ZBED3: variants seen among roughly 807,000 people sequenced by gnomAD.
ZBED3 encodes zinc finger BED-type containing 3.
For missense variants in ZBED3, 388 were observed against 362.9 expected, an observed-to-expected ratio of 1.07 and a Z score of -0.56; for synonymous variants, 175 against 180.0, an observed-to-expected ratio of 0.97 and a Z score of 0.22.
chr5:77,085,199 T>C (rs1266799123), intron 1 of ZBED3, among the ~76,000 whole-genome samples: 4 of 152,220 alleles, frequency 2.6e-5, no homozygotes. Context: ...CCCAGATTCC[T>C]CAGTATGATG....
In ZBED3 at chr5:77,075,958, T is replaced by C. The variant is rs1442485368; in HGVS notation, c.*1216A>G. 1.1e-3 allele frequency: 42 copies of C among 36,724 alleles called. 7 individuals are homozygous for C. The highest frequency in any genetic ancestry group is 1.3e-3 in the African/African-American group (13 of 9,660). The allele number at this position is 36,724 out of a possible 1,614,324, so 2.3% of individuals were successfully genotyped here. A position where few individuals can be genotyped will look rare whatever the true frequency, so the allele number is the denominator to read the frequency against. On this transcript the variant is annotated 3_prime_UTR_variant, in exon 3 of 3. Transcript: ENST00000255198. ...TATTATATATACATATATATATATA[T>C]ATATATATGTATATGTATATATGTA...
Position 77,077,185 on chromosome 5 carries a change from C to A in ZBED3, c.694G>T (p.Val232Phe). Residue 232 changes from valine (V) to phenylalanine (F), a missense_variant, in exon 3 of 3, where the codon GTC becomes TTC. Physicochemically the swap from Val to Phe is conservative, Grantham distance 50. Coordinates refer to ENST00000255198, the MANE Select transcript of ZBED3 (RefSeq NM_032367.4). Reference protein sequence around the residue: ...GDRDGCVITKVLL With the variant: ...GDRDGCVITKFLL Reference sequence around the variant, plus strand: ...AAGTGGCCACACCCCTACAGGAGGACCTTTGTGATGACGCAGCCGTCCCTG... The same window carrying A: ...AAGTGGCCACACCCCTACAGGAGGAACTTTGTGATGACGCAGCCGTCCCTG... The A allele has an allele frequency of 6.7e-7, 1 of 1,491,186 alleles. No individual in the cohort carries two copies. The highest frequency in any genetic ancestry group is 8.9e-7 in the Non-Finnish European group (1 of 1,125,664). The allele number at this position is 1,491,186 out of a possible 1,614,324, so 92.4% of individuals were successfully genotyped here.
chr5:77,084,015 A>C (rs1743182354), intron 1 of ZBED3, among the ~76,000 whole-genome samples: 1 of 152,198 alleles, frequency 6.6e-6, no homozygotes, highest in African/African-American at 2.4e-5. Context: ...AAAAATTTTT[A>C]AACTAACACA....
rs1176442160 is a variant in ZBED3 at position 77,077,348 on chromosome 5, G to C, written c.531C>G (p.Ala177=). 9 of 1,254,254 alleles carry C rather than the reference G, an allele frequency of 7.2e-6. No homozygotes were observed. Among genetic ancestry groups the C allele is most frequent in the Admixed American group, 8.6e-5 (2 of 23,348 alleles). The allele number at this position is 1,254,254 out of a possible 1,614,324, so 77.7% of individuals were successfully genotyped here. The change falls in exon 3 of 3, where the codon GCC becomes GCG. Residue 177 remains alanine (A), a synonymous_variant. Coordinates refer to ENST00000255198, the MANE Select transcript of ZBED3 (RefSeq NM_032367.4). ...GCAGTTCCCGGCGCGCCTGGGCCGCGGCGCGCTCTTCCTCCTGCAGCGCCC... is the reference window on the plus strand; with the variant it reads ...GCAGTTCCCGGCGCGCCTGGGCCGCCGCGCGCTCTTCCTCCTGCAGCGCCC... ...RRRALQEEER[A]AAQARRELQA...
rs2150738683 is a variant in ZBED3, at chr5:77,073,130, T to G, written c.*4044A>C. On this transcript the variant is annotated 3_prime_UTR_variant, in exon 3 of 3. Coordinates refer to ENST00000255198, the MANE Select transcript of ZBED3 (RefSeq NM_032367.4). ...AGTAATTCATACTTTGTGTAAAAAA[T>G]TACAACAATGCAGAAGTGTATAAAG... 6.6e-6 allele frequency: 1 copy of G among 152,142 alleles called. No individual in the cohort carries two copies. Among genetic ancestry groups the G allele is most frequent in the South Asian group, 2.1e-4 (1 of 4,814 alleles). 9.4% of individuals were successfully genotyped at this position (152,142 alleles called of 1,614,324 possible).
At chr5:77,078,188 CAGAAAG>C (rs1743064807) in intron 2 of ZBED3, among the ~76,000 whole-genome samples, 3 of 152,324 alleles carry the variant, frequency 2.0e-5, no homozygotes, top group Admixed American at 1.3e-4. Flanking sequence ...GCTGCTTGAA[CAGAAAG>C]AACTAGCTAA....
rs1742949500 is a variant in ZBED3, at chr5:77,075,047, G to A, written c.*2127C>T. The A allele has an allele frequency of 6.6e-6, 1 of 152,202 alleles. No homozygotes were observed. The highest frequency in any genetic ancestry group is 2.4e-5 in the African/African-American group (1 of 41,424). 9.4% of individuals were successfully genotyped at this position (152,202 alleles called of 1,614,324 possible). The stretch of plus-strand genomic sequence containing the variant: ...TCGTCCACTCATAGAGGCAGGATGT[G>A]CAAGGAGGGGTGGAGACATGCAGCA... On this transcript the variant is annotated 3_prime_UTR_variant, in exon 3 of 3. Transcript: ENST00000255198.
chr5:77,078,548 A>G (rs1331417230), intron 2 of ZBED3, 46 bp downstream of exon 2: 3 of 152,264 alleles, frequency 2.0e-5, no homozygotes, highest in East Asian at 1.9e-4. Context: ...TAAGATATGC[A>G]CATTTAGGAA....
intron 1 of ZBED3, among the ~76,000 whole-genome samples, chr5:77,083,671 G>A (rs1743176877): frequency 1.3e-5 from 2 of 152,146 alleles, no homozygotes; most frequent in Admixed American, 6.5e-5. Context: ...ATGGCTAAAA[G>A]GCAGTTGTTT....
At chr5:77,078,173 G>T (rs899180044) in intron 2 of ZBED3, among the ~76,000 whole-genome samples, 2 of 152,216 alleles carry the variant, frequency 1.3e-5, no homozygotes, top group South Asian at 4.1e-4. Flanking sequence ...ATAGCGGGAG[G>T]CTAAGCTGCT....
In ZBED3 at chr5:77,076,759, T is replaced by G; in HGVS notation, c.*415A>C. ...ACCCTCCACCTTGGGCTGCTGGGTG[T>G]ATAGGCACATGGTGTGATAAGTCTT... On this transcript the variant is annotated 3_prime_UTR_variant, in exon 3 of 3. Transcript: ENST00000255198. 1 of 155,620 alleles carries G rather than the reference T, an allele frequency of 6.4e-6. No homozygotes were observed. Among genetic ancestry groups the G allele is most frequent in the Non-Finnish European group, 1.4e-5 (1 of 71,082 alleles). 9.6% of individuals were successfully genotyped at this position (155,620 alleles called of 1,614,324 possible).
chr5:77,085,956 G>A (rs1743229656), intron 1 of ZBED3, among the ~76,000 whole-genome samples: 1 of 152,210 alleles, frequency 6.6e-6, no homozygotes, highest in Non-Finnish European at 1.5e-5. Flanking sequence ...GGTAATTAAG[G>A]GGTGAATCAG....
At position 77,076,417 on chromosome 5, in the gene ZBED3, G is replaced by GGTGAT. The variant is rs1369166824; in HGVS notation, c.*752_*756dup. 6.6e-6 allele frequency: 1 copy of GGTGAT among 152,190 alleles called. No individual in the cohort carries two copies. Among genetic ancestry groups the GGTGAT allele is most frequent in the African/African-American group, 2.4e-5 (1 of 41,422 alleles). The allele number at this position is 152,190 out of a possible 1,614,324, so 9.4% of individuals were successfully genotyped here. A position where few individuals can be genotyped will look rare whatever the true frequency, so the allele number is the denominator to read the frequency against. On this transcript the variant is annotated 3_prime_UTR_variant, in exon 3 of 3. Transcript: ENST00000255198. Reference sequence around the variant, plus strand: ...CCTCTTCCTAGTGACAAGGGGATGAGGTGATGTCTTGCTAAGGTGGCAGAT... The same window carrying GGTGAT: ...CCTCTTCCTAGTGACAAGGGGATGAGGTGATGTGATGTCTTGCTAAGGTGGCAGAT...
At position 77,072,633 on chromosome 5, in the gene ZBED3, T is replaced by C. The variant is rs961644299; in HGVS notation, c.*4541A>G. The C allele has an allele frequency of 7.2e-5, 11 of 152,230 alleles. No homozygotes were observed. Among genetic ancestry groups the C allele is most frequent in the Non-Finnish European group, 1.0e-4 (7 of 68,038 alleles). 9.4% of individuals were successfully genotyped at this position (152,230 alleles called of 1,614,324 possible). On this transcript the variant is annotated 3_prime_UTR_variant, in exon 3 of 3. Coordinates refer to ENST00000255198, the MANE Select transcript of ZBED3 (RefSeq NM_032367.4). ...TGGGATTCCTCAGATTACTTTGTAG[T>C]CACAAGTCAGATTGAGTTTTGACTG... is the stretch of plus-strand genomic sequence containing the variant.
In ZBED3 at chr5:77,074,297, C is replaced by T. The variant is rs1251493413; in HGVS notation, c.*2877G>A. 4 of 152,166 alleles carry T rather than the reference C, an allele frequency of 2.6e-5. No homozygotes were observed. Among genetic ancestry groups the T allele is most frequent in the African/African-American group, 4.8e-5 (2 of 41,408 alleles). The allele number at this position is 152,166 out of a possible 1,614,324, so 9.4% of individuals were successfully genotyped here. ...AAATCAACATTGGCTTAGGACAATC[C>T]CTTTGGCTTTGGCGAAATTGTGACT... On this transcript the variant is annotated 3_prime_UTR_variant, in exon 3 of 3. Transcript: ENST00000255198.
intron 1 of ZBED3, chr5:77,080,409 C>A: frequency 2.2e-6 from 1 of 454,862 alleles, no homozygotes; most frequent in Non-Finnish European, 4.3e-6. Flanking sequence ...GGAAGCCTCA[C>A]CTGAGCCAGG....
intron 1 of ZBED3, among the ~76,000 whole-genome samples, chr5:77,082,463 A>G (rs1387050546): frequency 6.6e-6 from 1 of 152,182 alleles, no homozygotes; most frequent in Non-Finnish European, 1.5e-5. Flanking sequence ...CTGAGTATAT[A>G]ACATATGTTC....
At position 77,075,934 on chromosome 5, in the gene ZBED3, A is replaced by ATTTTATATATAT; in HGVS notation, c.*1239_*1240insATATATATAAAA. The ATTTTATATATAT allele has an allele frequency of 1.8e-5, 1 of 55,310 alleles. No individual in the cohort carries two copies. Among genetic ancestry groups the ATTTTATATATAT allele is most frequent in the Admixed American group, 2.3e-4 (1 of 4,264 alleles). The allele number at this position is 55,310 out of a possible 1,614,324, so 3.4% of individuals were successfully genotyped here. On this transcript the variant is annotated 3_prime_UTR_variant, in exon 3 of 3. Transcript: ENST00000255198. ...TGACATGCACCCTAGAACTTAAAGTATTATATATACATATATATATATATA... is the reference window on the plus strand; with the variant it reads ...TGACATGCACCCTAGAACTTAAAGTATTTTATATATATTTATATATACATATATATATATATA...
chr5:77,075,959 ATATATATG>A lies in ZBED3; in HGVS notation c.*1207_*1214del, dbSNP rs1207373848. 8.8e-4 allele frequency: 31 copies of A among 35,220 alleles called. 2 individuals are homozygous for A. The highest frequency in any genetic ancestry group is 9.4e-4 in the Non-Finnish European group (16 of 17,018). 2.2% of individuals were successfully genotyped at this position (35,220 alleles called of 1,614,324 possible). A position where few individuals can be genotyped will look rare whatever the true frequency, so the allele number is the denominator to read the frequency against. ...ATTATATATACATATATATATATAT[ATATATATG>A]TATATGTATATATGTATATATATAT... On this transcript the variant is annotated 3_prime_UTR_variant, in exon 3 of 3. Coordinates refer to ENST00000255198, the MANE Select transcript of ZBED3 (RefSeq NM_032367.4).
Sources: gnomAD v4.1 joint callset for allele counts (sites outside exome capture counted in the v4.1 genomes callset) on GRCh38, gnomAD v4.1.1 for gene constraint, MANE v1.5 for transcripts, NCBI Gene and HGNC (gene_info 2026-07-23, HGNC 2026-07-21) for gene names.